ARB2A: variants seen among roughly 807,000 people sequenced by gnomAD.
The protein encoded by ARB2A is cotranscriptional regulator ARB2A.
chr5:94,052,243 A>G, the ARB2A span, among the ~76,000 whole-genome samples: 3 of 152,272 alleles, frequency 2.0e-5, no homozygotes, highest in South Asian at 6.2e-4. Context: ...AGAGAAATAC[A>G]CTACAGGCCA....
the ARB2A span, among the ~76,000 whole-genome samples, chr5:94,046,047 C>T: frequency 1.3e-5 from 2 of 151,924 alleles, no homozygotes; most frequent in Non-Finnish European, 2.9e-5. Flanking sequence ...GATACAGTGA[C>T]AAGGAGAGAA....
the ARB2A span, among the ~76,000 whole-genome samples, chr5:93,702,523 T>C: frequency 6.6e-6 from 1 of 152,336 alleles, no homozygotes; most frequent in South Asian, 2.1e-4. Context: ...TACATTTGGC[T>C]ATGAAAAGGA....
the ARB2A span, among the ~76,000 whole-genome samples, chr5:93,636,115 T>C: frequency 6.6e-6 from 1 of 152,350 alleles, no homozygotes; most frequent in Non-Finnish European, 1.5e-5. Flanking sequence ...AATCATTATA[T>C]GAACTTCTGT....
chr5:93,878,636 T>C, the ARB2A span, among the ~76,000 whole-genome samples: 6 of 151,840 alleles, frequency 4.0e-5, no homozygotes, highest in Admixed American at 3.3e-4. Context: ...TAAATATATA[T>C]ACATATTTAT....
the ARB2A span, among the ~76,000 whole-genome samples, chr5:93,678,750 C>T: frequency 1.3e-5 from 2 of 148,890 alleles, no homozygotes; most frequent in Non-Finnish European, 3.0e-5. Flanking sequence ...AGCAAGACTT[C>T]GTCTAAAAAA....
At chr5:94,089,594 TACACAC>T in the ARB2A span, among the ~76,000 whole-genome samples, 2,785 of 135,640 alleles carry the variant, frequency 0.021, 38 homozygotes, top group Middle Eastern at 0.073. Context: ...AAACCGTTTA[TACACAC>T]ACACACACAC....
At chr5:94,009,997 G>A in the ARB2A span, among the ~76,000 whole-genome samples, 1 of 150,326 alleles carries the variant, frequency 6.7e-6, no homozygotes, top group African/African-American at 2.4e-5. Context: ...ACTGGCTTTT[G>A]AAGATTTTAT....
chr5:93,683,717 T>C, the ARB2A span: 38 of 1,610,940 alleles, frequency 2.4e-5, no homozygotes, highest in Non-Finnish European at 3.1e-5. Flanking sequence ...GAATCTTCCA[T>C]CGGGTGGCGG....
the ARB2A span, among the ~76,000 whole-genome samples, chr5:93,870,448 C>T: frequency 6.6e-6 from 1 of 152,182 alleles, no homozygotes. Flanking sequence ...TGTTAATAAA[C>T]TGCTTTCTTT....
chr5:93,684,506 A>T, the ARB2A span, among the ~76,000 whole-genome samples: 1 of 152,324 alleles, frequency 6.6e-6, no homozygotes, highest in Admixed American at 6.5e-5. Flanking sequence ...TATGCTCAAT[A>T]AAAATTTGTT....
chr5:93,984,386 G>A, the ARB2A span, among the ~76,000 whole-genome samples: 2 of 152,080 alleles, frequency 1.3e-5, no homozygotes, highest in African/African-American at 4.8e-5. Context: ...ATGACAAATA[G>A]GGTAATAACA....
the ARB2A span, among the ~76,000 whole-genome samples, chr5:93,808,597 T>C: frequency 6.6e-6 from 1 of 151,962 alleles, no homozygotes; most frequent in Non-Finnish European, 1.5e-5. Context: ...AGTTAATGTT[T>C]GTATCTCCAT....
the ARB2A span, among the ~76,000 whole-genome samples, chr5:94,029,494 T>C: frequency 2.0e-5 from 3 of 152,312 alleles, no homozygotes; most frequent in Middle Eastern, 3.4e-3. Context: ...CTGTATTTCA[T>C]TAAAATTGGA....
the ARB2A span, among the ~76,000 whole-genome samples, chr5:94,046,578 C>T: frequency 6.6e-6 from 1 of 152,140 alleles, no homozygotes; most frequent in Admixed American, 6.6e-5. Context: ...GATAAGGCAC[C>T]AGCTAGCAAG....
At chr5:94,050,656 G>C in the ARB2A span, 4 of 1,102,648 alleles carry the variant, frequency 3.6e-6, no homozygotes, top group East Asian at 9.9e-5. Flanking sequence ...TGCATAAACT[G>C]CTGCATCTTC....
chr5:93,799,339 T>C, the ARB2A span, among the ~76,000 whole-genome samples: 2 of 152,224 alleles, frequency 1.3e-5, no homozygotes, highest in South Asian at 4.1e-4. Flanking sequence ...TGTTGTTTTC[T>C]TTCCCCCTCT....
the ARB2A span, among the ~76,000 whole-genome samples, chr5:93,841,606 A>G: frequency 3.3e-5 from 5 of 152,178 alleles, no homozygotes; most frequent in African/African-American, 4.8e-5. Flanking sequence ...TTGTCCCCAT[A>G]ATCAGATGAA....
chr5:93,926,917 T>C, the ARB2A span, among the ~76,000 whole-genome samples: 1 of 151,440 alleles, frequency 6.6e-6, no homozygotes. Flanking sequence ...TCAAGAGAAC[T>C]GAATAGGATG....
At chr5:94,024,299 C>G in the ARB2A span, among the ~76,000 whole-genome samples, 1 of 152,106 alleles carries the variant, frequency 6.6e-6, no homozygotes, top group African/African-American at 2.4e-5. Context: ...CTCACCCAAG[C>G]AAGAGGGAAT....
Sources: gnomAD v4.1 joint callset for allele counts (sites outside exome capture counted in the v4.1 genomes callset) on GRCh38, gnomAD v4.1.1 for gene constraint, MANE v1.5 for transcripts, NCBI Gene and HGNC (gene_info 2026-07-23, HGNC 2026-07-21) for gene names.